The following KCNC3 variants were observed in gnomAD, a reference collection of about 807,000 sequenced individuals.
The protein encoded by KCNC3 is potassium voltage-gated channel subfamily C member 3.
Under a neutral mutation model 43.9 loss-of-function variants are expected in KCNC3, and 22 were observed. The observed-to-expected ratio is 0.50, with a 90% confidence interval of 0.36 to 0.72. KCNC3 has a LOEUF of 0.72. Among genes scored for constraint, KCNC3 ranks in the 30% least tolerant of loss-of-function variants. KCNC3 has a pLI of 0.00. For synonymous variants in KCNC3, 492 were observed against 488.0 expected, an observed-to-expected ratio of 1.01 and a Z score of -0.11; for missense variants, 829 against 1,073.8, an observed-to-expected ratio of 0.77 and a Z score of 3.19.
intron 1 of KCNC3, among the ~76,000 whole-genome samples, chr19:50,326,931 A>G (rs1471558253): frequency 3.0e-3 from 359 of 118,326 alleles, no homozygotes; most frequent in African/African-American, 8.3e-3. Context: ...GCGGGGGGGG[A>G]GGTTCGAGAA....
chr19:50,329,152 T>G lies in KCNC3; in HGVS notation c.-70A>C. ...ACACGGGGGGAGAGACCGACGGGAT[T>G]GGGTGGGAGGAGGAGCGAGGTAGCG... On this transcript the variant is annotated 5_prime_UTR_variant, in exon 1 of 5. Transcript: ENST00000477616. The G allele has an allele frequency of 1.0e-4, 19 of 188,550 alleles. No homozygotes were observed. The highest frequency in any genetic ancestry group is 2.6e-3 in the Middle Eastern group (1 of 388). 11.7% of individuals were successfully genotyped at this position (188,550 alleles called of 1,614,324 possible).
chr19:50,320,710 T>G lies in KCNC3; in HGVS notation c.2053A>C (p.Met685Leu). The change falls in exon 3 of 5, where the codon ATG becomes CTG. Residue 685 changes from methionine to leucine, a missense_variant. By Grantham distance (15) the Met-to-Leu change is conservative (BLOSUM62 2). Transcript: ENST00000477616. ...EDCPAIDQPA[M>L]SPEDKSPITP... The stretch of plus-strand genomic sequence containing the variant: ...ATGGGGCTCTTGTCTTCCGGGGACA[T>G]GGCAGGCTGGTCAATGGCTGGGCAG... The G allele has an allele frequency of 6.2e-7, 1 of 1,613,802 alleles. No homozygotes were observed. Among genetic ancestry groups the G allele is most frequent in the Non-Finnish European group, 8.5e-7 (1 of 1,179,932 alleles).
At position 50,324,091 on chromosome 19, in the gene KCNC3, C is replaced by T. The variant is rs2037072765; in HGVS notation, c.871-9G>A. 1.3e-6 allele frequency: 2 copies of T among 1,582,092 alleles called. No homozygotes were observed. The highest frequency in any genetic ancestry group is 1.7e-6 in the Non-Finnish European group (2 of 1,163,188). The stretch of plus-strand genomic sequence containing the variant: ...GAGGCGAAGGCCACATACTGCAGGG[C>T]AGGGAGGGAGAGAGAGGGGGAGAGG... On this transcript the variant is annotated splice_polypyrimidine_tract_variant and intron_variant, in intron 1 of 4. Coordinates refer to ENST00000477616, the MANE Select transcript of KCNC3 (RefSeq NM_004977.3). The surrounding 1 kb of genome is among the most constrained non-coding windows in gnomAD (Gnocchi z 4.1).
chr19:50,322,919 C>T (rs1250781270), intron 2 of KCNC3, 56 bp downstream of exon 2: 1 of 1,520,874 alleles, frequency 6.6e-7, no homozygotes, highest in East Asian at 2.4e-5. Flanking sequence ...GCAGCTACCT[C>T]CCCAGTCCTC....
rs541278351 is a variant in KCNC3 at position 50,313,139 on chromosome 19, G to C, written c.*2976C>G. On this transcript the variant is annotated 3_prime_UTR_variant, in exon 5 of 5. Transcript: ENST00000477616. The stretch of plus-strand genomic sequence containing the variant: ...ACCGGTGTGGTCTCTGGGCTTGGGG[G>C]AGGTAGCGCATCCTTGAGCCAGGAT... 7.9e-5 allele frequency: 12 copies of C among 152,250 alleles called. No homozygotes were observed. The highest frequency in any genetic ancestry group is 5.2e-4 in the Admixed American group (8 of 15,300). The allele number at this position is 152,250 out of a possible 1,614,324, so 9.4% of individuals were successfully genotyped here. A position where few individuals can be genotyped will look rare whatever the true frequency, so the allele number is the denominator to read the frequency against.
chr19:50,320,306 T>A lies in KCNC3; in HGVS notation c.2214A>T (p.Pro738=). The part of the protein sequence containing the change: ...PPLPPQDWRK[P]GPPSFLPDLN... Reference sequence around the variant, plus strand: ...GGTCGGGCAAGAAGCTTGGGGGGCCTGGCTTACGCCAGTCTTGGGGGGGCA... The same window carrying A: ...GGTCGGGCAAGAAGCTTGGGGGGCCAGGCTTACGCCAGTCTTGGGGGGGCA... Residue 738 remains proline, a synonymous_variant, in exon 4 of 5, where the codon CCA becomes CCT. Transcript: ENST00000477616. 2 of 700,218 alleles carry A rather than the reference T, an allele frequency of 2.9e-6. No homozygotes were observed. The highest frequency in any genetic ancestry group is 3.9e-6 in the Non-Finnish European group (2 of 512,746). 43.4% of individuals were successfully genotyped at this position (700,218 alleles called of 1,614,324 possible).
intron 2 of KCNC3, among the ~76,000 whole-genome samples, chr19:50,321,020 T>C (rs2037027402): frequency 1.5e-5 from 2 of 135,518 alleles, no homozygotes; most frequent in Non-Finnish European, 3.1e-5. Flanking sequence ...GGGGGTTGAG[T>C]GCTGGGAAGG....
chr19:50,323,900 C>T lies in KCNC3; in HGVS notation c.1053G>A (p.Val351=). 1 of 1,614,202 alleles carries T rather than the reference C, an allele frequency of 6.2e-7. No homozygotes were observed. The highest frequency in any genetic ancestry group is 1.7e-5 in the Admixed American group (1 of 60,020). ...EVETEPFLTY[V]EGVCVVWFTF... ...TGAACCAGACCACGCACACCCCCTCCACGTAGGTCAGGAAGGGCTCCGTCT... is the reference window on the plus strand; with the variant it reads ...TGAACCAGACCACGCACACCCCCTCTACGTAGGTCAGGAAGGGCTCCGTCT... The change falls in exon 2 of 5, where the codon GTG becomes GTA. Residue 351 remains valine, a synonymous_variant. Coordinates refer to ENST00000477616, the MANE Select transcript of KCNC3 (RefSeq NM_004977.3).
At position 50,320,256 on chromosome 19, in the gene KCNC3, A is replaced by T; in HGVS notation, c.2264T>A (p.Ile755Lys). Residue 755 changes from isoleucine (I) to lysine (K), a missense_variant, in exon 4 of 5, where the codon ATA (isoleucine) becomes AAA (lysine). By Grantham distance (102) the Ile-to-Lys change is moderately radical (BLOSUM62 -3). This residue lies in a region of KCNC3 where 308 missense variants were observed against 276.2 expected (regional missense o/e 1.11). Transcript: ENST00000477616. ...PDLNANAAAW[I>K]SP Reference sequence around the variant, plus strand: ...GAGGGGGTTCGTCCACTAGGGGGATATCCAGGCCGCGGCGTTGGCGTTGAG... The same window carrying T: ...GAGGGGGTTCGTCCACTAGGGGGATTTCCAGGCCGCGGCGTTGGCGTTGAG... 2.3e-6 allele frequency: 2 copies of T among 852,220 alleles called. No homozygotes were observed. Among genetic ancestry groups the T allele is most frequent in the Non-Finnish European group, 1.6e-6 (1 of 644,262 alleles). 52.8% of individuals were successfully genotyped at this position (852,220 alleles called of 1,614,324 possible). A position where few individuals can be genotyped will look rare whatever the true frequency, so the allele number is the denominator to read the frequency against.
chr19:50,323,523 T>C lies in KCNC3; in HGVS notation c.1430A>G (p.Asp477Gly). The change falls in exon 2 of 5, where the codon GAT becomes GGT. Residue 477 changes from aspartate to glycine, a missense_variant. Around this residue, in one of 7 missense-constraint regions of KCNC3, gnomAD observed 21 missense variants for 21.0 expected, o/e 1.00. Coordinates refer to ENST00000477616, the MANE Select transcript of KCNC3 (RefSeq NM_004977.3). ...GGTGTGGTTGGAGCCCAGGATGTCATCGGGGTCGGCGCCAATGCGCTCAGC... is the reference window on the plus strand; with the variant it reads ...GGTGTGGTTGGAGCCCAGGATGTCACCGGGGTCGGCGCCAATGCGCTCAGC... ...YYAERIGADP[D>G]DILGSNHTYF... 1 of 1,614,172 alleles carries C rather than the reference T, an allele frequency of 6.2e-7. No homozygotes were observed. Among genetic ancestry groups the C allele is most frequent in the South Asian group, 1.1e-5 (1 of 91,080 alleles).
rs1193260907 is a variant in KCNC3 at position 50,320,672 on chromosome 19, G to A, written c.2091C>T (p.Ser697=). 2 of 1,613,764 alleles carry A rather than the reference G, an allele frequency of 1.2e-6. No homozygotes were observed. Among genetic ancestry groups the A allele is most frequent in the African/African-American group, 2.7e-5 (2 of 74,982 alleles). The stretch of plus-strand genomic sequence containing the variant: ...CTCGGTCCCGGCTATAGCGGCCACG[G>A]CTTCCAGGCGTGATGGGGCTCTTGT... The part of the protein sequence containing the change: ...PEDKSPITPG[S]RGRYSRDRAC... The change falls in exon 3 of 5, where the codon AGC becomes AGT. Residue 697 remains serine (S), a synonymous_variant. Coordinates refer to ENST00000477616, the MANE Select transcript of KCNC3 (RefSeq NM_004977.3).
intron 2 of KCNC3, among the ~76,000 whole-genome samples, chr19:50,322,636 G>A (rs1044563404): frequency 6.6e-6 from 1 of 151,966 alleles, no homozygotes; most frequent in Non-Finnish European, 1.5e-5. Flanking sequence ...GTTCTGCCTC[G>A]GGTCTGCCTG....
intron 1 of KCNC3, among the ~76,000 whole-genome samples, chr19:50,325,700 G>C (rs1417142626): frequency 2.6e-5 from 4 of 152,030 alleles, no homozygotes; most frequent in Non-Finnish European, 5.9e-5. Flanking sequence ...GCTAGCTGCG[G>C]CACCGCAGTG....
chr19:50,329,675 G>T (rs965601078), upstream of KCNC3: 2 of 152,414 alleles, frequency 1.3e-5, no homozygotes, highest in African/African-American at 4.8e-5. Flanking sequence ...CAGGGCCGCA[G>T]AAAGTAGAAA....
chr19:50,314,892 C>A lies in KCNC3; in HGVS notation c.*1223G>T. 1 of 271,420 alleles carries A rather than the reference C, an allele frequency of 3.7e-6. No individual in the cohort carries two copies. The highest frequency in any genetic ancestry group is 7.3e-6 in the Non-Finnish European group (1 of 137,060). The allele number at this position is 271,420 out of a possible 1,614,324, so 16.8% of individuals were successfully genotyped here. The stretch of plus-strand genomic sequence containing the variant: ...GGCAGGGTCGGGGGAGCGCGGCGGG[C>A]GGCCCGGGGAGAGCCAGGGGGGGTG... On this transcript the variant is annotated 3_prime_UTR_variant, in exon 5 of 5. Transcript: ENST00000477616.
At chr19:50,325,147 G>C (rs1317221447) in intron 1 of KCNC3, among the ~76,000 whole-genome samples, 1 of 152,186 alleles carries the variant, frequency 6.6e-6, no homozygotes, top group Non-Finnish European at 1.5e-5. Context: ...TAGAAGAGGA[G>C]GGAGTGGGGT....
In KCNC3 at chr19:50,314,954, C is replaced by T. The variant is rs1399202274; in HGVS notation, c.*1161G>A. On this transcript the variant is annotated 3_prime_UTR_variant, in exon 5 of 5. Coordinates refer to ENST00000477616, the MANE Select transcript of KCNC3 (RefSeq NM_004977.3). ...GAGGCGCAGGGACACCCCGCTCAGGCCCGCGATGCTGCTGAGGCTGCGGGA... is the reference window on the plus strand; with the variant it reads ...GAGGCGCAGGGACACCCCGCTCAGGTCCGCGATGCTGCTGAGGCTGCGGGA... 6.8e-6 allele frequency: 2 copies of T among 295,162 alleles called. No individual in the cohort carries two copies. The highest frequency in any genetic ancestry group is 5.1e-5 in the Admixed American group (1 of 19,730). 18.3% of individuals were successfully genotyped at this position (295,162 alleles called of 1,614,324 possible).
intron 1 of KCNC3, among the ~76,000 whole-genome samples, chr19:50,326,054 T>A (rs2037101385): frequency 6.7e-6 from 1 of 149,600 alleles, no homozygotes; most frequent in Non-Finnish European, 1.5e-5. Context: ...AGGAAAGGAG[T>A]GATTACGAGG....
rs2036947685 is a variant in KCNC3 at position 50,316,036 on chromosome 19, G to A, written c.*79C>T. ...CCAGCCATTCCCAATTGCTAACCTG[G>A]GGGGAAGGGGCGGGGGGGACCGAAA... On this transcript the variant is annotated 3_prime_UTR_variant, in exon 5 of 5. Coordinates refer to ENST00000477616, the MANE Select transcript of KCNC3 (RefSeq NM_004977.3). 2.6e-6 allele frequency: 1 copy of A among 388,054 alleles called. No homozygotes were observed. The highest frequency in any genetic ancestry group is 4.8e-6 in the Non-Finnish European group (1 of 208,892). 24.0% of individuals were successfully genotyped at this position (388,054 alleles called of 1,614,324 possible).
Sources: gnomAD v4.1 joint callset for allele counts (sites outside exome capture counted in the v4.1 genomes callset) on GRCh38, gnomAD v4.1.1 for gene constraint, gnomAD v4.1.1 regional missense constraint, Gnocchi (gnomAD v3.1) non-coding constraint, MANE v1.5 for transcripts, NCBI Gene and HGNC (gene_info 2026-07-23, HGNC 2026-07-21) for gene names.